Variants in RPS6KA2 observed in about 807,000 individuals in gnomAD.
RPS6KA2 encodes ribosomal protein S6 kinase A2.
A neutral mutation model predicts 91.8 loss-of-function variants in RPS6KA2; 42 were observed. That is an observed-to-expected ratio of 0.46 (90% CI 0.36 to 0.59). RPS6KA2 has a LOEUF of 0.59. Among genes scored for constraint, RPS6KA2 ranks in the 20% least tolerant of loss-of-function variants. RPS6KA2 has a pLI of 0.00. For synonymous variants in RPS6KA2, 414 were observed against 393.6 expected (o/e 1.05, Z -0.61); for missense variants, 798 against 978.5 (o/e 0.82, Z 2.46).
chr6:166,823,563 G>C (rs1157038036), intron 2 of RPS6KA2, among the ~76,000 whole-genome samples: 1 of 151,954 alleles, frequency 6.6e-6, no homozygotes, highest in Non-Finnish European at 1.5e-5. Flanking sequence ...TAGTCTGGTG[G>C]ATGTGGGCTT....
At position 166,413,844 on chromosome 6, in the gene RPS6KA2, C is replaced by T; in HGVS notation, c.2026G>A (p.Glu676Lys). ...CTGAGCTGGTTTGGGGACAGGTACT[C>T]TCTGTTGACCACCCACGGGTGTTTG... The part of the protein sequence containing the change: ...VLKHPWVVNR[E>K]YLSPNQLSRQ... The change falls in exon 20 of 21, where the codon GAG becomes AAG. Residue 676 changes from glutamate to lysine, a missense_variant. Coordinates refer to ENST00000265678, the MANE Select transcript of RPS6KA2 (RefSeq NM_021135.6). The T allele has an allele frequency of 6.2e-7, 1 of 1,614,210 alleles. No individual in the cohort carries two copies.
intron 1 of RPS6KA2, among the ~76,000 whole-genome samples, chr6:166,545,935 A>G (rs1253684368): frequency 6.6e-6 from 1 of 152,146 alleles, no homozygotes; most frequent in Non-Finnish European, 1.5e-5. Context: ...CTGCACACAC[A>G]TGGGCTCCCA....
At chr6:166,444,594 T>G (rs1177492252) in intron 14 of RPS6KA2, among the ~76,000 whole-genome samples, 1 of 152,228 alleles carries the variant, frequency 6.6e-6, no homozygotes, top group African/African-American at 2.4e-5. Flanking sequence ...ACCGGCAGAA[T>G]GCGCTGCATC....
chr6:166,710,491 T>A (rs1165156102), intron 2 of RPS6KA2, among the ~76,000 whole-genome samples: 3 of 146,024 alleles, frequency 2.1e-5, no homozygotes, highest in Admixed American at 1.4e-4. Flanking sequence ...TGTGAGTGTG[T>A]GTGTGTGTGT....
chr6:166,452,650 T>C (rs143266990), intron 12 of RPS6KA2, among the ~76,000 whole-genome samples: 1,930 of 152,162 alleles, frequency 0.013, 41 homozygotes, highest in African/African-American at 0.044. Context: ...CGGAACAGAA[T>C]AGAAAACCCA....
intron 11 of RPS6KA2, among the ~76,000 whole-genome samples, chr6:166,468,408 C>T: frequency 6.6e-6 from 1 of 152,136 alleles, no homozygotes; most frequent in Non-Finnish European, 1.5e-5. Flanking sequence ...ATCACTCTTC[C>T]CCAGTTTGAG....
intron 2 of RPS6KA2, among the ~76,000 whole-genome samples, chr6:166,791,077 TAA>T (rs538720593): frequency 5.3e-5 from 8 of 152,236 alleles, no homozygotes; most frequent in Non-Finnish European, 1.2e-4. Context: ...GCAAATTCGA[TAA>T]AGAGTCAAGA....
At chr6:166,716,180 G>A (rs1321494819) in intron 2 of RPS6KA2, among the ~76,000 whole-genome samples, 5 of 151,996 alleles carry the variant, frequency 3.3e-5, no homozygotes, top group Admixed American at 3.3e-4. Flanking sequence ...GTTAACTGAT[G>A]TCAACAAGAG....
At chr6:166,438,135 T>C (rs932622698) in intron 14 of RPS6KA2, among the ~76,000 whole-genome samples, 1 of 152,258 alleles carries the variant, frequency 6.6e-6, no homozygotes, top group African/African-American at 2.4e-5. Flanking sequence ...CACCTTCTCC[T>C]GTAAAATTAA....
chr6:166,818,254 G>A lies in RPS6KA2; in HGVS notation c.123+39946C>T, dbSNP rs140248198. Among the ~76,000 whole-genome samples the A allele has an allele frequency of 2.7e-3, 406 of 152,110 alleles. 5 individuals carry two copies. Among genetic ancestry groups the A allele is most frequent in the African/African-American group, 9.2e-3 (381 of 41,492 alleles). On this transcript the variant is annotated intron_variant, in intron 2 of 21. Transcript: ENST00000503859. ...CAGGATCAAATCATAGATTGATCAC[G>A]CTGCATTTCGTTGTGATGTCTCTGT...
At chr6:166,632,726 A>G (rs186752189) in intron 2 of RPS6KA2, among the ~76,000 whole-genome samples, 1 of 152,226 alleles carries the variant, frequency 6.6e-6, no homozygotes, top group Non-Finnish European at 1.5e-5. Flanking sequence ...GAGGAGAAAG[A>G]CCAGAAGACA....
chr6:166,430,956 G>A (rs536732669), intron 15 of RPS6KA2, among the ~76,000 whole-genome samples: 4 of 151,954 alleles, frequency 2.6e-5, no homozygotes, highest in East Asian at 1.9e-4. Context: ...ATGGAGTCTC[G>A]CTCTGTCACC....
intron 2 of RPS6KA2, among the ~76,000 whole-genome samples, chr6:166,775,213 C>A (rs1778582265): frequency 1.3e-5 from 2 of 151,934 alleles, no homozygotes; most frequent in South Asian, 4.2e-4. Flanking sequence ...TGATAAACAC[C>A]CTGGGCCCTT....
Position 166,646,812 on chromosome 6 carries a change from C to T in RPS6KA2, c.124-108028G>A, listed in dbSNP as rs1177968096. ...TTTGAGATCTCAGAGGTAGGCATCT[C>T]CTGCTCCATTCTAATTCAGGCACCT... On this transcript the variant is annotated intron_variant, in intron 2 of 21. Transcript: ENST00000503859. Among the ~76,000 whole-genome samples, 3 of 152,244 alleles carry T rather than the reference C, an allele frequency of 2.0e-5. 1 individual carries two copies. Among genetic ancestry groups the T allele is most frequent in the Non-Finnish European group, 4.4e-5 (3 of 68,044 alleles).
chr6:166,723,422 G>A (rs770857226), intron 2 of RPS6KA2, among the ~76,000 whole-genome samples: 4 of 152,080 alleles, frequency 2.6e-5, no homozygotes, highest in Admixed American at 1.3e-4. Context: ...GGTCCCACAC[G>A]TGTGCACTAC....
intron 2 of RPS6KA2, among the ~76,000 whole-genome samples, chr6:166,778,066 G>A (rs1370319265): frequency 6.6e-6 from 1 of 152,210 alleles, no homozygotes; most frequent in East Asian, 1.9e-4. Context: ...TTAAAACAAA[G>A]TGATTTTGAA....
chr6:166,427,986 G>T (rs977086796), intron 16 of RPS6KA2, among the ~76,000 whole-genome samples: 3 of 148,950 alleles, frequency 2.0e-5, no homozygotes, highest in African/African-American at 7.8e-5. Context: ...AGAGCCGCCC[G>T]CATCGCCAAG....
chr6:166,413,506 C>CT (rs1398493596), intron 20 of RPS6KA2, among the ~76,000 whole-genome samples: 5 of 152,178 alleles, frequency 3.3e-5, no homozygotes, highest in Admixed American at 1.3e-4. Context: ...ATGAAGGGGA[C>CT]TTTTTTTGCA....
At chr6:166,651,585 C>T (rs1435079289) in intron 2 of RPS6KA2, among the ~76,000 whole-genome samples, 1 of 152,188 alleles carries the variant, frequency 6.6e-6, no homozygotes, top group South Asian at 2.1e-4. Flanking sequence ...AAAATTTCCT[C>T]GAAGCACTTT....
Sources: gnomAD v4.1 joint callset for allele counts (sites outside exome capture counted in the v4.1 genomes callset) on GRCh38, gnomAD v4.1.1 for gene constraint, MANE v1.5 for transcripts, NCBI Gene and HGNC (gene_info 2026-07-23, HGNC 2026-07-21) for gene names.